CCDC33: variants seen among roughly 807,000 people sequenced by gnomAD.
CCDC33 encodes coiled-coil domain containing 33, also known as coiled-coil domain-containing protein 33.
Under a neutral mutation model 91.9 loss-of-function variants are expected in CCDC33, and 94 were observed. The ratio of observed to expected loss-of-function variants is 1.02; its 90% CI spans 0.87 to 1.21. The LOEUF (loss-of-function observed/expected upper bound fraction) is 1.21, where lower values mean the gene tolerates loss of function less well. Among genes scored for constraint, CCDC33 ranks in the 50% most tolerant of loss-of-function variants. The probability of loss-of-function intolerance (pLI) is 0.00; values close to 1 mark genes in which losing one functional copy is unlikely to be tolerated. For synonymous variants in CCDC33, 396 were observed against 374.5 expected, an observed-to-expected ratio of 1.06 and a Z score of -0.66; for missense variants, 940 against 935.5, an observed-to-expected ratio of 1.00 and a Z score of -0.06.
chr15:74,334,693 G>A (rs964733047), intron 17 of CCDC33, among the ~76,000 whole-genome samples: 8 of 152,182 alleles, frequency 5.3e-5, no homozygotes, highest in Non-Finnish European at 1.2e-4. Flanking sequence ...GTGTGACCAG[G>A]GTCAGGCTCT....
intron 16 of CCDC33, chr15:74,333,176 T>C: frequency 6.8e-7 from 1 of 1,460,676 alleles, no homozygotes; most frequent in South Asian, 1.2e-5. Flanking sequence ...TTCTGGAGCA[T>C]TCCCTGGTCT....
intron 5 of CCDC33, among the ~76,000 whole-genome samples, chr15:74,270,793 G>T (rs552537616): frequency 6.6e-6 from 1 of 152,282 alleles, no homozygotes; most frequent in South Asian, 2.1e-4. Context: ...ACTGAGCAGG[G>T]GGTCAGTGAG....
intron 11 of CCDC33, chr15:74,300,453 G>A (rs915408567): frequency 1.3e-5 from 2 of 152,278 alleles, no homozygotes; most frequent in Non-Finnish European, 2.9e-5. Flanking sequence ...GCCGGCAGCA[G>A]GTCCCAGGGC....
At chr15:74,327,356 C>G (rs967008594) in intron 11 of CCDC33, among the ~76,000 whole-genome samples, 3 of 152,168 alleles carry the variant, frequency 2.0e-5, no homozygotes, top group Non-Finnish European at 2.9e-5. Flanking sequence ...AGCTCTGGGC[C>G]AGGTGCGGTG....
intron 3 of CCDC33, among the ~76,000 whole-genome samples, chr15:74,265,135 C>G (rs2076133516): frequency 6.6e-6 from 1 of 152,116 alleles, no homozygotes; most frequent in Non-Finnish European, 1.5e-5. Flanking sequence ...ACCCCAACAT[C>G]CAAATGACCC....
chr15:74,226,814 C>T (rs1459899983), intron 2 of CCDC33, among the ~76,000 whole-genome samples: 3 of 143,836 alleles, frequency 2.1e-5, no homozygotes, highest in Admixed American at 7.1e-5. Flanking sequence ...GGCAATAGAG[C>T]GAGACTCCAT....
chr15:74,220,773 T>A (rs1304481630), intron 2 of CCDC33, among the ~76,000 whole-genome samples: 1 of 150,114 alleles, frequency 6.7e-6, no homozygotes, highest in South Asian at 2.1e-4. Flanking sequence ...TGGGGGAGAG[T>A]GGGGGGAGAG....
intron 1 of CCDC33, among the ~76,000 whole-genome samples, chr15:74,239,568 A>C (rs547533966): frequency 6.6e-6 from 1 of 152,218 alleles, no homozygotes; most frequent in Non-Finnish European, 1.5e-5. Flanking sequence ...TGAGCTTTGG[A>C]ATCAGGCTTG....
At chr15:74,328,079 A>C (rs1240530533) in intron 11 of CCDC33, among the ~76,000 whole-genome samples, 1 of 152,250 alleles carries the variant, frequency 6.6e-6, no homozygotes, top group African/African-American at 2.4e-5. Flanking sequence ...TGTCCAGGGC[A>C]GATATGCTAA....
At chr15:74,251,493 A>G (rs1304189264) in intron 2 of CCDC33, among the ~76,000 whole-genome samples, 1 of 152,208 alleles carries the variant, frequency 6.6e-6, no homozygotes, top group Non-Finnish European at 1.5e-5. Context: ...CAAAGGCTGC[A>G]TGTCAGGGCT....
At chr15:74,223,174 T>G (rs1239989963) in intron 2 of CCDC33, among the ~76,000 whole-genome samples, 12 of 152,132 alleles carry the variant, frequency 7.9e-5, no homozygotes, top group Non-Finnish European at 1.5e-4. Context: ...TTGGGTTAGC[T>G]GGTTTCCCTC....
Position 74,331,353 on chromosome 15 carries a change from C to T in CCDC33, c.1771+57C>T. ...CAGCTTCTGCTCCACCCCTGGAGGC[C>T]CTGCCTTCCTGGAGCCTCTCAGCTT... On this transcript the variant is annotated intron_variant, in intron 15 of 18. Coordinates refer to ENST00000398814, the MANE Select transcript of CCDC33 (RefSeq NM_025055.5). 3 of 1,555,710 alleles carry T rather than the reference C, an allele frequency of 1.9e-6. 1 individual carries two copies. Among genetic ancestry groups the T allele is most frequent in the Non-Finnish European group, 8.8e-7 (1 of 1,137,670 alleles).
At chr15:74,266,646 A>C in intron 3 of CCDC33, 32 bp from the exon 4 acceptor site, 1 of 1,491,688 alleles carries the variant, frequency 6.7e-7, no homozygotes, top group South Asian at 1.1e-5. Flanking sequence ...TCCATTTAAA[A>C]ATAAACCTGG....
chr15:74,257,215 C>T (rs1482534594), intron 2 of CCDC33, among the ~76,000 whole-genome samples: 2 of 152,194 alleles, frequency 1.3e-5, no homozygotes, highest in Admixed American at 6.5e-5. Context: ...GATGAGAGTC[C>T]CTCGCGTTGC....
At chr15:74,262,353 C>A in intron 2 of CCDC33, 87 bp from the exon 3 acceptor site, 1 of 1,539,870 alleles carries the variant, frequency 6.5e-7, no homozygotes, top group South Asian at 1.2e-5. Context: ...ACCTTTCACT[C>A]AGATTTATGG....
intron 1 of CCDC33, among the ~76,000 whole-genome samples, chr15:74,239,914 TGC>T (rs1179930567): frequency 7.9e-5 from 12 of 152,216 alleles, no homozygotes; most frequent in Non-Finnish European, 1.3e-4. Context: ...AATCCTCTAG[TGC>T]AGGCCAGGGG....
At chr15:74,222,541 T>G (rs2074635043) in intron 2 of CCDC33, among the ~76,000 whole-genome samples, 1 of 151,974 alleles carries the variant, frequency 6.6e-6, no homozygotes, top group Non-Finnish European at 1.5e-5. Flanking sequence ...TTTCTTTTTT[T>G]TTTTAATTCC....
rs186195018 is a variant in CCDC33 at position 74,218,005 on chromosome 15, T to C, written c.310+424T>C. Among the ~76,000 whole-genome samples the C allele has an allele frequency of 8.5e-4, 129 of 152,128 alleles. 2 individuals are homozygous for C. The East Asian group carries it at 0.022, about 26-fold the overall frequency. On this transcript the variant is annotated intron_variant, in intron 1 of 2. Transcript: ENST00000635913. This position sits in a 1 kb window ranked among gnomAD's most constrained non-coding sequence, Gnocchi z 4.8. ...GACAGAAATGAGGGGACCTGGGCCCTGCCTTCTGGAACTTCCAGAGCAGGT... is the reference window on the plus strand; with the variant it reads ...GACAGAAATGAGGGGACCTGGGCCCCGCCTTCTGGAACTTCCAGAGCAGGT...
chr15:74,222,844 C>T (rs2074652404), intron 2 of CCDC33, among the ~76,000 whole-genome samples: 2 of 138,862 alleles, frequency 1.4e-5, no homozygotes, highest in Admixed American at 1.5e-4. Context: ...CTAGTTGGAG[C>T]TCCAGGCCGG....
Sources: gnomAD v4.1 joint callset for allele counts (sites outside exome capture counted in the v4.1 genomes callset) on GRCh38, gnomAD v4.1.1 for gene constraint, Gnocchi (gnomAD v3.1) non-coding constraint, MANE v1.5 for transcripts, NCBI Gene and HGNC (gene_info 2026-07-23, HGNC 2026-07-21) for gene names.